Variants in POLA1 observed in about 807,000 individuals in gnomAD.
POLA1 encodes the protein DNA polymerase alpha catalytic subunit.
POLA1 carries 15 observed loss-of-function variants against 124.0 expected under a neutral mutation model. The observed-to-expected ratio is 0.12, with a 90% CI of 0.08 to 0.19. The LOEUF is 0.19. Ranked by LOEUF, POLA1 falls within the 10% of genes least tolerant of loss-of-function variation. The pLI, the probability that POLA1 is intolerant of heterozygous loss-of-function variation, is 1.00. For missense variants in POLA1, 886 were observed against 1,103.4 expected, an observed-to-expected ratio of 0.80 and a Z score of 2.79; for synonymous variants, 408 against 389.4, an observed-to-expected ratio of 1.05 and a Z score of -0.56.
chrX:24,932,342 G>C (rs1449343360), intron 36 of POLA1, among the ~76,000 whole-genome samples: 1 of 112,430 alleles, frequency 8.9e-6, no homozygotes, highest in Non-Finnish European at 1.9e-5. Context: ...GTTTTCAAAA[G>C]GTCTGGCAAC....
intron 34 of POLA1, among the ~76,000 whole-genome samples, chrX:24,887,087 G>A (rs1251869081): frequency 8.9e-6 from 1 of 112,293 alleles, no homozygotes; most frequent in African/African-American, 3.2e-5. Context: ...CTGTGGCAAT[G>A]CATGTAGCAC....
intron 36 of POLA1, among the ~76,000 whole-genome samples, chrX:24,937,196 A>G (rs2047860219): frequency 1.8e-5 from 2 of 111,619 alleles, no homozygotes; most frequent in South Asian, 3.7e-4. Flanking sequence ...TTGGTAAGAA[A>G]AAAGTGGTTT....
At chrX:24,976,404 T>TC (rs2048364449) in intron 36 of POLA1, among the ~76,000 whole-genome samples, 1 of 112,113 alleles carries the variant, frequency 8.9e-6, no homozygotes, top group Admixed American at 9.4e-5. Context: ...TCATGAACAC[T>TC]CCCAGTTTTC....
intron 36 of POLA1, among the ~76,000 whole-genome samples, chrX:24,988,103 A>T (rs1339138009): frequency 8.9e-6 from 1 of 112,765 alleles, no homozygotes; most frequent in African/African-American, 3.2e-5. Flanking sequence ...CAAAAGAACA[A>T]CAGCTTAGCT....
intron 35 of POLA1, among the ~76,000 whole-genome samples, chrX:24,927,361 A>C (rs1376815830): frequency 8.9e-6 from 1 of 111,961 alleles, no homozygotes; most frequent in Non-Finnish European, 1.9e-5. Flanking sequence ...CACATAAAAA[A>C]CGGTGGTATT....
chrX:24,774,686 T>TA (rs1233521287), intron 26 of POLA1, among the ~76,000 whole-genome samples: 1 of 112,485 alleles, frequency 8.9e-6, no homozygotes, highest in African/African-American at 3.2e-5. Flanking sequence ...TTCCTTGCCT[T>TA]ATGCTATTTA....
intron 36 of POLA1, among the ~76,000 whole-genome samples, chrX:24,939,860 G>T (rs1022082013): frequency 8.9e-6 from 1 of 111,886 alleles, no homozygotes; most frequent in African/African-American, 3.2e-5. Context: ...GGAAAGGGCA[G>T]TTCTTTCTTA....
chrX:24,961,948 A>G (rs1400626168), intron 36 of POLA1, among the ~76,000 whole-genome samples: 1 of 111,904 alleles, frequency 8.9e-6, no homozygotes, highest in Non-Finnish European at 1.9e-5. Context: ...GAGCATTGTG[A>G]TGTTAGTCAT....
chrX:24,775,246 C>T (rs997541489), intron 26 of POLA1: 2 of 111,074 alleles, frequency 1.8e-5, no homozygotes, highest in East Asian at 2.8e-4. Context: ...CTGGCACCAC[C>T]GCATTTTGCT....
intron 4 of POLA1, among the ~76,000 whole-genome samples, chrX:24,710,361 A>G (rs975189783): frequency 9.0e-6 from 1 of 111,509 alleles, no homozygotes; most frequent in African/African-American, 3.3e-5. Context: ...TTTACATTTC[A>G]TATAAATGAA....
chrX:24,795,790 G>A (rs1232658306), intron 26 of POLA1, among the ~76,000 whole-genome samples: 1 of 109,403 alleles, frequency 9.1e-6, no homozygotes, highest in Non-Finnish European at 1.9e-5. Context: ...CCATGATAGA[G>A]GTGTTTGTCT....
chrX:24,737,631 A>G lies in POLA1; in HGVS notation c.1930A>G (p.Asn644Asp). The change falls in exon 19 of 37, where the codon AAT (asparagine) becomes GAT (aspartate). Residue 644 changes from asparagine (N) to aspartate (D), a missense_variant. By Grantham distance (23) the Asn-to-Asp change is conservative. Around this residue, in one of 7 missense-constraint regions of POLA1, gnomAD observed 182 missense variants for 252.8 expected, o/e 0.72. Coordinates refer to ENST00000379068, the MANE Select transcript of POLA1 (RefSeq NM_001330360.2). ...GCCTTCTTTTTCTGACTAGGGTCAT[A>G]ATATTTATGGGTTTGAACTGGAAGT... ...KIDPDIIVGH[N>D]IYGFELEVLL... 2 of 1,061,177 alleles carry G rather than the reference A, an allele frequency of 1.9e-6. No homozygotes were observed. Among genetic ancestry groups the G allele is most frequent in the Non-Finnish European group, 2.6e-6 (2 of 761,535 alleles). The allele number at this position is 1,061,177 out of a possible 1,213,427, so 87.5% of individuals were successfully genotyped here. A position where few individuals can be genotyped will look rare whatever the true frequency, so the allele number is the denominator to read the frequency against.
intron 26 of POLA1, among the ~76,000 whole-genome samples, chrX:24,752,145 C>T (rs1029165822): frequency 3.6e-5 from 4 of 112,033 alleles, no homozygotes; most frequent in African/African-American, 1.3e-4. Context: ...TTGGCTCTAG[C>T]GACCTAATAA....
At chrX:24,952,855 A>G (rs1162296866) in intron 36 of POLA1, among the ~76,000 whole-genome samples, 2 of 112,280 alleles carry the variant, frequency 1.8e-5, no homozygotes, top group Non-Finnish European at 3.8e-5. Flanking sequence ...GTCCATTTGT[A>G]TTTGTAATCT....
intron 34 of POLA1, among the ~76,000 whole-genome samples, chrX:24,885,616 C>T (rs1402502852): frequency 1.8e-5 from 2 of 110,899 alleles, no homozygotes; most frequent in Admixed American, 1.9e-4. Flanking sequence ...CTCACTGCAA[C>T]CTCCGTCTCC....
At chrX:24,711,355 C>A (rs2905999) in intron 4 of POLA1, among the ~76,000 whole-genome samples, 1 of 112,427 alleles carries the variant, frequency 8.9e-6, no homozygotes, top group African/African-American at 3.2e-5. Flanking sequence ...AGCAAGATGT[C>A]TTGAAAATTA....
chrX:24,803,162 T>G (rs556059834), intron 26 of POLA1, among the ~76,000 whole-genome samples: 5 of 111,673 alleles, frequency 4.5e-5, no homozygotes, highest in Admixed American at 3.8e-4. Flanking sequence ...CAGTTGAATG[T>G]GTGCCTGGAT....
chrX:24,717,474 A>G lies in POLA1; in HGVS notation c.891A>G (p.Lys297=). 5 of 1,210,443 alleles carry G rather than the reference A, an allele frequency of 4.1e-6. No homozygotes were observed. Among genetic ancestry groups the G allele is most frequent in the East Asian group, 3.0e-5 (1 of 33,856 alleles). ...EEVKQEADSG[K]GTVSYLGSFL... is the part of the protein sequence containing the mutation. Reference sequence around the variant, plus strand: ...TGAAACAAGAGGCGGATTCTGGGAAAGGGACCGTGTCCTACTTGTAAGAGC... The same window carrying G: ...TGAAACAAGAGGCGGATTCTGGGAAGGGGACCGTGTCCTACTTGTAAGAGC... The change falls in exon 9 of 37, where the codon AAA becomes AAG. Residue 297 remains lysine (K), a synonymous_variant. Coordinates refer to ENST00000379068, the MANE Select transcript of POLA1 (RefSeq NM_001330360.2).
At chrX:24,953,141 C>T (rs972803611) in intron 36 of POLA1, among the ~76,000 whole-genome samples, 5 of 111,825 alleles carry the variant, frequency 4.5e-5, no homozygotes, top group Admixed American at 1.9e-4. Flanking sequence ...AGTGCAGACA[C>T]GCATTTGAAA....
Sources: gnomAD v4.1 joint callset for allele counts (sites outside exome capture counted in the v4.1 genomes callset) on GRCh38, gnomAD v4.1.1 for gene constraint, gnomAD v4.1.1 regional missense constraint, MANE v1.5 for transcripts, NCBI Gene and HGNC (gene_info 2026-07-23, HGNC 2026-07-21) for gene names.